PACRG: variants seen among roughly 807,000 people sequenced by gnomAD.
PACRG encodes parkin coregulated gene protein.
PACRG carries 29 observed loss-of-function variants against 29.7 expected under a neutral mutation model. That is an observed-to-expected ratio of 0.98 (90% CI 0.73 to 1.33). PACRG has a LOEUF of 1.33. Ranked by LOEUF, PACRG falls within the 40% of genes most tolerant of loss-of-function variation. The pLI is 0.00. For missense variants in PACRG, 279 were observed against 316.2 expected, an observed-to-expected ratio of 0.88 and a Z score of 0.89; for synonymous variants, 116 against 118.7, an observed-to-expected ratio of 0.98 and a Z score of 0.15.
rs558144482 is a variant in PACRG at position 162,777,025 on chromosome 6, A to G, written c.157-37122A>G. On this transcript the variant is annotated intron_variant, in intron 1 of 4. Coordinates refer to ENST00000366888, the MANE Select transcript of PACRG (RefSeq NM_001080379.2). The surrounding 1 kb of genome is among the most constrained non-coding windows in gnomAD (Gnocchi z 4.0). Reference sequence around the variant, plus strand: ...GTGCACCTGAATCTCCGAAATCACCACTAAAGAACTTATTCATGTAACCAA... The same window carrying G: ...GTGCACCTGAATCTCCGAAATCACCGCTAAAGAACTTATTCATGTAACCAA... 6.6e-6 allele frequency among the ~76,000 whole-genome samples: 1 copy of G among 152,216 alleles called. No homozygotes were observed. Among genetic ancestry groups the G allele is most frequent in the Admixed American group, 6.5e-5 (1 of 15,282 alleles).
intron 4 of PACRG, among the ~76,000 whole-genome samples, chr6:163,164,573 AAGATCT>A (rs1778709813): frequency 2.6e-5 from 4 of 152,180 alleles, no homozygotes; most frequent in Admixed American, 2.6e-4. Flanking sequence ...GAGCTACCTT[AAGATCT>A]CTTTGAACCT....
Position 162,841,760 on chromosome 6 carries a change from G to T in PACRG, c.291+27479G>T, listed in dbSNP as rs1199173884. On this transcript the variant is annotated intron_variant, in intron 2 of 4. Coordinates refer to ENST00000366888, the MANE Select transcript of PACRG (RefSeq NM_001080379.2). ...TGCTATAAATTTCCCTCTACACACT[G>T]CTTTGAATGCATCCCAGAGATTCTG... 3.3e-5 allele frequency among the ~76,000 whole-genome samples: 5 copies of T among 151,508 alleles called. No individual in the cohort carries two copies. The South Asian group carries it at 6.4e-4, about 19-fold the overall frequency.
chr6:162,831,495 G>A (rs1788768620), intron 2 of PACRG, among the ~76,000 whole-genome samples: 1 of 152,056 alleles, frequency 6.6e-6, no homozygotes, highest in Admixed American at 6.6e-5. Context: ...TTGTTTCTTT[G>A]ATTAAACTTC....
At chr6:162,970,648 A>G (rs1801450841) in intron 2 of PACRG, among the ~76,000 whole-genome samples, 2 of 152,218 alleles carry the variant, frequency 1.3e-5, no homozygotes, top group South Asian at 2.1e-4. Context: ...TTTGGAAGCA[A>G]TCCTAGAACA....
At chr6:162,980,185 C>A (rs1053038090) in intron 2 of PACRG, among the ~76,000 whole-genome samples, 2 of 151,874 alleles carry the variant, frequency 1.3e-5, no homozygotes, top group Non-Finnish European at 2.9e-5. Context: ...CACACACACA[C>A]ACACGCACAC....
At chr6:162,912,740 T>C (rs1461564355) in intron 2 of PACRG, among the ~76,000 whole-genome samples, 6 of 151,802 alleles carry the variant, frequency 4.0e-5, no homozygotes, top group African/African-American at 7.3e-5. Context: ...TTCATCTAAT[T>C]TTTGTCTTTT....
intron 4 of PACRG, among the ~76,000 whole-genome samples, chr6:163,121,663 C>CTTTT (rs771976364): frequency 2.4e-5 from 3 of 126,224 alleles, no homozygotes; most frequent in East Asian, 2.3e-4. Context: ...TCTCGGTAAT[C>CTTTT]TTTTTTTTTT....
At chr6:162,785,058 C>T (rs147955682) in intron 1 of PACRG, among the ~76,000 whole-genome samples, 27 of 152,130 alleles carry the variant, frequency 1.8e-4, no homozygotes, top group Admixed American at 3.9e-4. Flanking sequence ...CAGACTCATC[C>T]CTGCAGCCTA....
intron 4 of PACRG, among the ~76,000 whole-genome samples, chr6:163,304,078 T>G (rs1025289355): frequency 1.3e-5 from 2 of 148,710 alleles, no homozygotes; most frequent in Non-Finnish European, 3.0e-5. Context: ...GAACAAAAAG[T>G]TTTTTTTCTT....
intron 2 of PACRG, among the ~76,000 whole-genome samples, chr6:163,060,076 C>A (rs1021308868): frequency 4.0e-5 from 6 of 151,860 alleles, no homozygotes; most frequent in African/African-American, 2.4e-5. Flanking sequence ...AACAAAACTA[C>A]AAAATACAAA....
intron 4 of PACRG, among the ~76,000 whole-genome samples, chr6:163,259,518 G>T (rs886340363): frequency 6.6e-6 from 1 of 152,030 alleles, no homozygotes; most frequent in Non-Finnish European, 1.5e-5. Context: ...TCTGTCATCC[G>T]AGGTGACCTG....
intron 1 of PACRG, among the ~76,000 whole-genome samples, chr6:162,806,265 C>T (rs1241710655): frequency 2.0e-5 from 3 of 151,960 alleles, no homozygotes; most frequent in East Asian, 3.9e-4. Context: ...TGCACCACCA[C>T]GCCCAGCTAA....
intron 2 of PACRG, among the ~76,000 whole-genome samples, chr6:162,973,327 C>T (rs982421192): frequency 6.6e-6 from 1 of 152,226 alleles, no homozygotes; most frequent in African/African-American, 2.4e-5. Flanking sequence ...GACTTGAAAG[C>T]CAGACGATGT....
intron 4 of PACRG, among the ~76,000 whole-genome samples, chr6:163,279,147 T>C (rs960576613): frequency 1.3e-5 from 2 of 152,240 alleles, no homozygotes; most frequent in African/African-American, 4.8e-5. Context: ...TGGTCGCTGT[T>C]GGTGTATAGC....
intron 1 of PACRG, among the ~76,000 whole-genome samples, chr6:162,729,901 G>A (rs867328977): frequency 4.5e-4 from 68 of 152,042 alleles, no homozygotes; most frequent in South Asian, 2.3e-3. Context: ...TATGAAGCAG[G>A]CTTCTTTATA....
intron 1 of PACRG, among the ~76,000 whole-genome samples, chr6:162,766,443 T>TA (rs61054830): frequency 0.23 from 35,339 of 152,024 alleles, 4,696 homozygotes; most frequent in African/African-American, 0.34. Context: ...ATACCACATT[T>TA]AAAAAAATCT....
chr6:162,789,237 T>C (rs943173876), intron 1 of PACRG, among the ~76,000 whole-genome samples: 1 of 152,222 alleles, frequency 6.6e-6, no homozygotes, highest in Admixed American at 6.5e-5. Flanking sequence ...AACTGACTCT[T>C]AAAAGCTTGG....
At position 163,067,147 on chromosome 6, in the gene PACRG, C is replaced by CTGAA. The variant is rs1562883707; in HGVS notation, c.463+4826_463+4827insTGAA. Among the ~76,000 whole-genome samples the CTGAA allele has an allele frequency of 8.9e-4, 136 of 152,292 alleles. 1 individual carries two copies. The highest frequency in any genetic ancestry group is 2.8e-3 in the African/African-American group (117 of 41,566). ...GTGAACAGCCTTCCTGCTGTAGCAC[C>CTGAA]GCTTCCCAAGCTTCAGTATGCATCC... On this transcript the variant is annotated intron_variant, in intron 3 of 4. Coordinates refer to ENST00000366888, the MANE Select transcript of PACRG (RefSeq NM_001080379.2).
intron 2 of PACRG, among the ~76,000 whole-genome samples, chr6:162,967,965 C>G (rs1047694605): frequency 6.6e-6 from 1 of 151,996 alleles, no homozygotes; most frequent in Non-Finnish European, 1.5e-5. Flanking sequence ...TCTATATTTC[C>G]TCACCTTAAA....
Sources: gnomAD v4.1 joint callset for allele counts (sites outside exome capture counted in the v4.1 genomes callset) on GRCh38, gnomAD v4.1.1 for gene constraint, Gnocchi (gnomAD v3.1) non-coding constraint, MANE v1.5 for transcripts, NCBI Gene and HGNC (gene_info 2026-07-23, HGNC 2026-07-21) for gene names.